Variants in WNT2B observed in about 807,000 individuals in gnomAD.
The protein encoded by WNT2B is Wnt family member 2B.
Under a neutral mutation model 40.5 loss-of-function variants are expected in WNT2B, and 19 were observed. That is an observed-to-expected ratio of 0.47 (90% CI 0.33 to 0.69). WNT2B has a LOEUF of 0.69. WNT2B is among the 30% of genes least tolerant of loss of function. The pLI, the probability that WNT2B is intolerant of heterozygous loss-of-function variation, is 0.02. For missense variants in WNT2B, 467 were observed against 556.4 expected (o/e 0.84, Z 1.62); for synonymous variants, 220 against 211.9 (o/e 1.04, Z -0.33).
chr1:112,495,373 G>A (rs1276300564), intron 1 of WNT2B, among the ~76,000 whole-genome samples: 3 of 151,926 alleles, frequency 2.0e-5, no homozygotes, highest in Non-Finnish European at 4.4e-5. Flanking sequence ...TCAGGAGATC[G>A]AGACCATCCT....
At chr1:112,510,747 G>C (rs566639302) in intron 1 of WNT2B, among the ~76,000 whole-genome samples, 1 of 151,930 alleles carries the variant, frequency 6.6e-6, no homozygotes, top group East Asian at 1.9e-4. Flanking sequence ...AAGGAGGGGG[G>C]GTTCTGGTTG....
intron 1 of WNT2B, among the ~76,000 whole-genome samples, chr1:112,494,090 G>T (rs908145198): frequency 8.2e-5 from 12 of 146,626 alleles, no homozygotes; most frequent in Non-Finnish European, 1.3e-4. Flanking sequence ...CGGGTGGATT[G>T]CCTGAGATCA....
In WNT2B at chr1:112,495,135, A is replaced by G. The variant is rs908172002; in HGVS notation, c.-94-19739A>G. 9.9e-5 allele frequency among the ~76,000 whole-genome samples: 15 copies of G among 151,652 alleles called. 1 individual carries two copies. Among genetic ancestry groups the G allele is most frequent in the Admixed American group, 2.6e-4 (4 of 15,268 alleles). On this transcript the variant is annotated intron_variant, in intron 1 of 4. Transcript: ENST00000256640. ...CACTAAGCAATGTAAAAAAATAAGT[A>G]TAACTAATATGCTAAGAAAGGAGGG...
At chr1:112,514,203 G>A (rs1258416771) in intron 1 of WNT2B, among the ~76,000 whole-genome samples, 5 of 152,158 alleles carry the variant, frequency 3.3e-5, no homozygotes, top group African/African-American at 1.2e-4. Context: ...TGGGGAAGAT[G>A]GTTTTAAAAG....
At chr1:112,507,271 T>C (rs972123665), upstream of WNT2B, among the ~76,000 whole-genome samples, 1 of 152,208 alleles carries the variant, frequency 6.6e-6, no homozygotes, top group Non-Finnish European at 1.5e-5. Context: ...CTGATGTTTA[T>C]TGTTTATGGT....
chr1:112,500,236 T>A (rs576544397), intron 1 of WNT2B, among the ~76,000 whole-genome samples: 1 of 152,316 alleles, frequency 6.6e-6, no homozygotes, highest in East Asian at 1.9e-4. Context: ...GAGGCTACAT[T>A]ATCACACCAG....
chr1:112,483,203 C>CACAT (rs1232175426), intron 1 of WNT2B, among the ~76,000 whole-genome samples: 1 of 131,070 alleles, frequency 7.6e-6, no homozygotes, highest in African/African-American at 3.5e-5. Flanking sequence ...CACACACACA[C>CACAT]ACACACACAC....
intron 1 of WNT2B, among the ~76,000 whole-genome samples, chr1:112,513,285 C>T (rs555199613): frequency 1.3e-5 from 2 of 152,194 alleles, no homozygotes; most frequent in Non-Finnish European, 1.5e-5. Flanking sequence ...GTCAGGCAGC[C>T]TTTCCGGCCT....
rs1031171007 is a variant in WNT2B at position 112,520,613 on chromosome 1, C to T, written c.*104C>T. On this transcript the variant is annotated 3_prime_UTR_variant, in exon 5 of 5. Transcript: ENST00000369684. ...TCCACCCTCCACCCTGGGCTGCTAC[C>T]GCTTCTATTTAAGGATGTAGAGAGT... is the stretch of plus-strand genomic sequence containing the variant. 10 of 1,191,650 alleles carry T rather than the reference C, an allele frequency of 8.4e-6. No homozygotes were observed. The highest frequency in any genetic ancestry group is 4.3e-5 in the South Asian group (3 of 70,186). 73.8% of individuals were successfully genotyped at this position (1,191,650 alleles called of 1,614,324 possible). A position where few individuals can be genotyped will look rare whatever the true frequency, so the allele number is the denominator to read the frequency against.
intron 1 of WNT2B, among the ~76,000 whole-genome samples, chr1:112,479,520 G>C (rs929542921): frequency 6.6e-6 from 1 of 151,848 alleles, no homozygotes; most frequent in Non-Finnish European, 1.5e-5. Flanking sequence ...GTTGCAGTGA[G>C]CCAAGATCAC....
At chr1:112,508,590 C>G (rs1258891740), upstream of WNT2B, among the ~76,000 whole-genome samples, 1 of 152,172 alleles carries the variant, frequency 6.6e-6, no homozygotes, top group Non-Finnish European at 1.5e-5. The surrounding 1 kb of genome is among the most constrained non-coding windows in gnomAD (Gnocchi z 4.2). Context: ...GTGCTCAGCG[C>G]CGGTGTCACT....
At chr1:112,475,536 A>T (rs1440222770) in intron 1 of WNT2B, among the ~76,000 whole-genome samples, 1 of 152,240 alleles carries the variant, frequency 6.6e-6, no homozygotes, top group Non-Finnish European at 1.5e-5. Context: ...AATAAAATGT[A>T]TGACAATGAT....
chr1:112,478,356 G>T (rs956961535), intron 1 of WNT2B, among the ~76,000 whole-genome samples: 2 of 152,088 alleles, frequency 1.3e-5, no homozygotes, highest in African/African-American at 4.8e-5. Flanking sequence ...CCAGATTCAT[G>T]ATACCAAATA....
rs201190592 is a variant in WNT2B, at chr1:112,470,886, C to T, written c.-95+3295C>T. ...TGCCACTGCTGGGGGCAAGGTCGCT[C>T]TCACAGGGTCTGGAAAGTGTCTGCT... is the stretch of plus-strand genomic sequence containing the variant. On this transcript the variant is annotated intron_variant, in intron 1 of 4. Transcript: ENST00000256640. Among the ~76,000 whole-genome samples the T allele has an allele frequency of 2.9e-3, 435 of 149,298 alleles. 3 individuals carry two copies. Among genetic ancestry groups the T allele is most frequent in the African/African-American group, 0.01 (406 of 40,250 alleles).
chr1:112,484,333 C>A (rs1651346274), intron 1 of WNT2B, among the ~76,000 whole-genome samples: 1 of 146,338 alleles, frequency 6.8e-6, no homozygotes, highest in South Asian at 2.1e-4. Context: ...AAGAGGGTCT[C>A]ACTTGTCACC....
intron 1 of WNT2B, among the ~76,000 whole-genome samples, chr1:112,470,647 C>G (rs567239718): frequency 1.3e-5 from 2 of 152,058 alleles, no homozygotes; most frequent in African/African-American, 4.8e-5. Flanking sequence ...GAAAGGCGTC[C>G]GCTCTCTATG....
At chr1:112,490,725 G>A (rs768730545) in intron 1 of WNT2B, among the ~76,000 whole-genome samples, 40 of 152,142 alleles carry the variant, frequency 2.6e-4, no homozygotes, top group Non-Finnish European at 5.1e-4. Context: ...TCCTGACCTC[G>A]TGATCTGCCC....
intron 1 of WNT2B, among the ~76,000 whole-genome samples, chr1:112,502,167 G>T (rs1007930074): frequency 6.6e-6 from 1 of 152,218 alleles, no homozygotes; most frequent in Non-Finnish European, 1.5e-5. Flanking sequence ...CAGGTGCTGC[G>T]CCCGCGGGAG....
chr1:112,478,354 A>T (rs191811682), intron 1 of WNT2B, among the ~76,000 whole-genome samples: 2 of 152,236 alleles, frequency 1.3e-5, no homozygotes, highest in African/African-American at 4.8e-5. Flanking sequence ...ATCCAGATTC[A>T]TGATACCAAA....
Sources: allele counts gnomAD v4.1 joint callset (sites outside exome capture counted in the v4.1 genomes callset), GRCh38; gene constraint gnomAD v4.1.1; non-coding constraint Gnocchi (gnomAD v3.1); transcripts MANE v1.5; gene names NCBI Gene and HGNC (gene_info 2026-07-23, HGNC 2026-07-21).